EPM2A: variants seen among roughly 807,000 people sequenced by gnomAD.
The protein encoded by EPM2A is EPM2A glucan phosphatase, laforin, also known as laforin.
EPM2A carries 21 observed loss-of-function variants against 26.5 expected under a neutral mutation model. The ratio of observed to expected loss-of-function variants is 0.79; its 90% CI spans 0.56 to 1.14. EPM2A has a LOEUF of 1.14. Ranked by LOEUF, EPM2A falls within the 50% of genes most tolerant of loss-of-function variation. EPM2A has a pLI of 0.00. For missense variants in EPM2A, 458 were observed against 440.8 expected (o/e 1.04, Z -0.35); for synonymous variants, 217 against 177.6 (o/e 1.22, Z -1.76).
At chr6:145,472,710 C>T (rs1259404573) in intron 4 of EPM2A, among the ~76,000 whole-genome samples, 1 of 152,088 alleles carries the variant, frequency 6.6e-6, no homozygotes, top group Non-Finnish European at 1.5e-5. Flanking sequence ...ATGACAAGAA[C>T]TGTATCTTGT....
At chr6:145,620,127 C>T (rs568942015) in intron 2 of EPM2A, among the ~76,000 whole-genome samples, 31 of 152,306 alleles carry the variant, frequency 2.0e-4, no homozygotes, top group Admixed American at 1.5e-3. Flanking sequence ...TGGTCCCCAA[C>T]CTTTTTGGAA....
intron 4 of EPM2A, among the ~76,000 whole-genome samples, chr6:145,393,129 G>A (rs1832375): frequency 0.11 from 16,560 of 151,948 alleles, 945 homozygotes; most frequent in South Asian, 0.17. Context: ...CAGTACTCCC[G>A]TTAAGCCATG....
At chr6:145,487,816 GTTTAGGTAGATTCCAT>G (rs1582793115) in intron 4 of EPM2A, among the ~76,000 whole-genome samples, 1 of 152,226 alleles carries the variant, frequency 6.6e-6, no homozygotes, top group East Asian at 1.9e-4. Context: ...AAGCTCTCTA[GTTTAGGTAGATTCCAT>G]TTGTCAATTT....
chr6:145,414,243 C>T (rs927311389), intron 4 of EPM2A, among the ~76,000 whole-genome samples: 3 of 152,020 alleles, frequency 2.0e-5, no homozygotes, highest in Non-Finnish European at 4.4e-5. Context: ...CATCTTTTGC[C>T]TTTTGGCTTT....
chr6:145,507,030 G>T (rs771329410), intron 2 of EPM2A, among the ~76,000 whole-genome samples: 3 of 152,100 alleles, frequency 2.0e-5, no homozygotes, highest in Non-Finnish European at 4.4e-5. Flanking sequence ...CACCTCCAAA[G>T]TGCTGAGATT....
At chr6:145,734,157 T>C (rs1427865762) in intron 1 of EPM2A, among the ~76,000 whole-genome samples, 1 of 152,224 alleles carries the variant, frequency 6.6e-6, no homozygotes, top group Non-Finnish European at 1.5e-5. Flanking sequence ...GAATTTCAAT[T>C]AAGCCACTAC....
chr6:145,493,477 A>G (rs1779780243), intron 4 of EPM2A, among the ~76,000 whole-genome samples: 1 of 152,154 alleles, frequency 6.6e-6, no homozygotes, highest in Non-Finnish European at 1.5e-5. Context: ...AATGCCCTTT[A>G]TTTCTTTCTC....
At chr6:145,533,882 A>G (rs1414343953) in intron 2 of EPM2A, among the ~76,000 whole-genome samples, 2 of 152,150 alleles carry the variant, frequency 1.3e-5, no homozygotes, top group Admixed American at 1.3e-4. Context: ...CATAAGATTC[A>G]GGATAGATTG....
chr6:145,586,592 G>T (rs951312270), intron 2 of EPM2A, among the ~76,000 whole-genome samples: 7 of 152,080 alleles, frequency 4.6e-5, no homozygotes, highest in African/African-American at 1.7e-4. Flanking sequence ...AAAGAAAAGA[G>T]CAGTGAATAC....
chr6:145,424,832 C>A (rs982286363), intron 4 of EPM2A, among the ~76,000 whole-genome samples: 3 of 152,168 alleles, frequency 2.0e-5, no homozygotes, highest in African/African-American at 7.2e-5. Flanking sequence ...GACACTGAAT[C>A]TGCTGAAACC....
At chr6:145,550,449 T>C (rs1780639821) in intron 2 of EPM2A, among the ~76,000 whole-genome samples, 1 of 152,162 alleles carries the variant, frequency 6.6e-6, no homozygotes, top group South Asian at 2.1e-4. Context: ...CATAATGAAT[T>C]TGTACACCTC....
chr6:145,503,665 T>C (rs1263956003), intron 2 of EPM2A, among the ~76,000 whole-genome samples: 3 of 99,054 alleles, frequency 3.0e-5, no homozygotes, highest in Non-Finnish European at 6.1e-5. Flanking sequence ...ATGGTCATAC[T>C]GCCCAAGGTA....
rs779001772 is a variant in EPM2A, at chr6:145,625,723, G to A, written c.*1693C>T. 7 of 839,360 alleles carry A rather than the reference G, an allele frequency of 8.3e-6. No homozygotes were observed. Among genetic ancestry groups the A allele is most frequent in the Non-Finnish European group, 1.5e-5 (7 of 474,526 alleles). 52.0% of individuals were successfully genotyped at this position (839,360 alleles called of 1,614,324 possible). ...TAGTGGAAATGTGTCCTGGCTAGCT[G>A]CCTCTGCCCAAAGCAAATGTCATCT... is the stretch of plus-strand genomic sequence containing the variant. On this transcript the variant is annotated 3_prime_UTR_variant, in exon 4 of 4. Transcript: ENST00000367519.
At position 145,705,822 on chromosome 6, in the gene EPM2A, A is replaced by G. The variant is rs185389336; in HGVS notation, c.302-19526T>C. On this transcript the variant is annotated intron_variant, in intron 1 of 3. Coordinates refer to ENST00000367519, the MANE Select transcript of EPM2A (RefSeq NM_005670.4). ...GATATACTTCTTCAACAGAGCAAAGAAGAACAATCTTCCCCTGGGGAGAGG... is the reference window on the plus strand; with the variant it reads ...GATATACTTCTTCAACAGAGCAAAGGAGAACAATCTTCCCCTGGGGAGAGG... 16 of 455,444 alleles carry G rather than the reference A, an allele frequency of 3.5e-5. No individual in the cohort carries two copies. In the East Asian group the frequency reaches 1.0e-3, roughly 30 times the overall value. 28.2% of individuals were successfully genotyped at this position (455,444 alleles called of 1,614,324 possible). A position where few individuals can be genotyped will look rare whatever the true frequency, so the allele number is the denominator to read the frequency against.
chr6:145,659,810 C>T (rs1310133559), intron 2 of EPM2A, among the ~76,000 whole-genome samples: 2 of 152,170 alleles, frequency 1.3e-5, no homozygotes, highest in Non-Finnish European at 2.9e-5. Flanking sequence ...TCCAGCCAAT[C>T]GCAGGCACCC....
intron 2 of EPM2A, among the ~76,000 whole-genome samples, chr6:145,683,306 TG>T (rs1562485391): frequency 1.2e-4 from 17 of 141,136 alleles, no homozygotes; most frequent in African/African-American, 4.1e-4. Context: ...TGTGTGTGTG[TG>T]AGTGTGTATA....
downstream of EPM2A, among the ~76,000 whole-genome samples, chr6:145,621,473 T>G (rs1775631947): frequency 6.6e-6 from 1 of 152,228 alleles, no homozygotes; most frequent in Non-Finnish European, 1.5e-5. Flanking sequence ...GACTGCTGAA[T>G]TAAATGGAAG....
chr6:145,686,657 C>T (rs1226039376), intron 1 of EPM2A, among the ~76,000 whole-genome samples: 2 of 145,328 alleles, frequency 1.4e-5, no homozygotes, highest in African/African-American at 5.0e-5. Flanking sequence ...CTGTATTATA[C>T]ACTTCTATCT....
At chr6:145,575,406 C>A (rs368640212) in intron 2 of EPM2A, among the ~76,000 whole-genome samples, 1 of 152,136 alleles carries the variant, frequency 6.6e-6, no homozygotes, top group South Asian at 2.1e-4. Context: ...TGCAGGTCAG[C>A]CACTTGCATG....
Sources: gnomAD v4.1 joint callset for allele counts (sites outside exome capture counted in the v4.1 genomes callset) on GRCh38, gnomAD v4.1.1 for gene constraint, MANE v1.5 for transcripts, NCBI Gene and HGNC (gene_info 2026-07-23, HGNC 2026-07-21) for gene names.